SYT12: variants seen among roughly 807,000 people sequenced by gnomAD.
SYT12 encodes synaptotagmin-12.
Under a neutral mutation model 39.5 loss-of-function variants are expected in SYT12, and 27 were observed. That is an observed-to-expected ratio of 0.68 (90% CI 0.50 to 0.94). The LOEUF (loss-of-function observed/expected upper bound fraction) is 0.94. Among genes scored for constraint, SYT12 ranks in the 40% least tolerant of loss-of-function variants. The pLI, the probability that SYT12 is intolerant of heterozygous loss-of-function variation, is 0.00. For synonymous variants in SYT12, 233 were observed against 239.7 expected (o/e 0.97, Z 0.26); for missense variants, 536 against 572.6 (o/e 0.94, Z 0.65).
At chr11:67,035,713 T>A (rs1950349849) in intron 3 of SYT12, among the ~76,000 whole-genome samples, 1 of 151,948 alleles carries the variant, frequency 6.6e-6, no homozygotes, top group Non-Finnish European at 1.5e-5. Context: ...CGCCTTGGCC[T>A]CCCAAAGTAC....
At chr11:67,018,900 G>T (rs377402399), upstream of SYT12, among the ~76,000 whole-genome samples, 9 of 152,214 alleles carry the variant, frequency 5.9e-5, no homozygotes, top group Non-Finnish European at 1.3e-4. Flanking sequence ...CAGACAAGTG[G>T]CTGGTGCCTC....
At chr11:67,044,518 T>TG in intron 5 of SYT12, 75 bp from the exon 6 acceptor site, 1 of 1,551,534 alleles carries the variant, frequency 6.4e-7, no homozygotes, top group East Asian at 2.3e-5. Flanking sequence ...AGCCTTTCCC[T>TG]GGCAACCAAG....
chr11:67,039,953 C>T lies in SYT12; in HGVS notation c.371C>T (p.Pro124Leu). ...ATGGGCCGGGAGTTGGACCTGGCCC[C>T]CTATGGGACCCTCCGGAAGTCCCAG... ...ELMGRELDLA[P>L]YGTLRKSQSA... Residue 124 changes from proline to leucine, a missense_variant, in exon 4 of 8, where the codon CCC becomes CTC. Pro to Leu is a moderately conservative substitution (Grantham distance 98, BLOSUM62 -3). Transcript: ENST00000527043. 1 of 1,613,732 alleles carries T rather than the reference C, an allele frequency of 6.2e-7. No homozygotes were observed. The highest frequency in any genetic ancestry group is 8.5e-7 in the Non-Finnish European group (1 of 1,180,040).
intron 1 of SYT12, chr11:67,027,187 CA>C (rs1427365802): frequency 1.3e-5 from 2 of 152,548 alleles, no homozygotes; most frequent in Non-Finnish European, 2.9e-5. Context: ...GCTCTGCCTT[CA>C]CAGGGCACCA....
At chr11:67,017,300 T>G (rs12276046) in intron 3 of SYT12, among the ~76,000 whole-genome samples, 5,324 of 151,708 alleles carry the variant, frequency 0.035, 299 homozygotes, top group African/African-American at 0.12. Context: ...GGCAGAAAGA[T>G]CATTTGAGCC....
intron 2 of SYT12, 170 bp downstream of exon 2, chr11:67,030,348 C>A: frequency 4.6e-6 from 3 of 657,766 alleles, no homozygotes; most frequent in Non-Finnish European, 7.6e-6. Flanking sequence ...CTGGGGACAT[C>A]AAGCTTGGCC....
chr11:67,046,840 G>A (rs1854567076), intron 7 of SYT12, among the ~76,000 whole-genome samples: 1 of 152,248 alleles, frequency 6.6e-6, no homozygotes, highest in East Asian at 1.9e-4. Context: ...TCCCGTCCTC[G>A]GTTGTGAGTG....
At chr11:67,037,804 C>G (rs1372935768) in intron 3 of SYT12, among the ~76,000 whole-genome samples, 1 of 151,260 alleles carries the variant, frequency 6.6e-6, no homozygotes, top group East Asian at 1.9e-4. Flanking sequence ...ATCGCTTGAA[C>G]CCAGGAGGTG....
chr11:67,035,900 CTCCT>C (rs1307917269), intron 3 of SYT12, among the ~76,000 whole-genome samples: 7 of 111,728 alleles, frequency 6.3e-5, no homozygotes, highest in Admixed American at 9.4e-5. Context: ...CCCTCCCTCC[CTCCT>C]TCCTTCCTTC....
chr11:67,030,401 T>C (rs1159756635), intron 2 of SYT12: 2 of 524,258 alleles, frequency 3.8e-6, no homozygotes, highest in Non-Finnish European at 3.4e-6. Context: ...TGGCTCCTTC[T>C]TGTTAAAGTG....
intron 4 of SYT12, 65 bp from the exon 5 acceptor site, chr11:67,043,573 C>T: frequency 6.7e-7 from 1 of 1,493,168 alleles, no homozygotes; most frequent in Non-Finnish European, 9.3e-7. Flanking sequence ...ACTCCCTGTC[C>T]AGTGCTGTCT....
At position 67,034,809 on chromosome 11, in the gene SYT12, G is replaced by A. The variant is rs764850688; in HGVS notation, c.199G>A (p.Gly67Ser). 15 of 1,584,794 alleles carry A rather than the reference G, an allele frequency of 9.5e-6. No homozygotes were observed. Among genetic ancestry groups the A allele is most frequent in the African/African-American group, 6.9e-5 (5 of 72,898 alleles). The change falls in exon 3 of 8, where the codon GGC becomes AGC. Residue 67 changes from glycine to serine, a missense_variant. Gly to Ser is a moderately conservative substitution (Grantham distance 56). Transcript: ENST00000527043. ...CTACAGGTACCTTCAGCAGAAGTACGGCGAGAGCTGCGCAGAGGCCAGGGA... is the reference window on the plus strand; with the variant it reads ...CTACAGGTACCTTCAGCAGAAGTACAGCGAGAGCTGCGCAGAGGCCAGGGA... ...YDYRYLQQKY[G>S]ESCAEAREKR...
At chr11:67,019,066 C>T (rs959476110), upstream of SYT12, among the ~76,000 whole-genome samples, 2 of 152,216 alleles carry the variant, frequency 1.3e-5, no homozygotes, top group African/African-American at 2.4e-5. Flanking sequence ...AAAGGACTCA[C>T]AGTTCCTCAT....
At chr11:67,035,837 C>CCTTCCTTCCTTCCTTCCTTCCTTTCTTT (rs1412426648) in intron 3 of SYT12, among the ~76,000 whole-genome samples, 1 of 111,142 alleles carries the variant, frequency 9.0e-6, no homozygotes, top group African/African-American at 4.3e-5. Flanking sequence ...TTCCTTCCTT[C>CCTTCCTTCCTTCCTTCCTTCCTTTCTTT]CTTTCTTTCT....
rs760898295 is a variant in SYT12 at position 67,040,251 on chromosome 11, A to G, written c.621+48A>G. 5 of 1,529,100 alleles carry G rather than the reference A, an allele frequency of 3.3e-6. No individual in the cohort carries two copies. In the South Asian group the frequency reaches 6.3e-5, roughly 19 times the overall value. The allele number at this position is 1,529,100 out of a possible 1,614,324, so 94.7% of individuals were successfully genotyped here. ...CAGAAGGGTGCTCTGGGCTCACTAGATGCCTCCCAGGCAGGCATGGCGGTG... is the reference window on the plus strand; with the variant it reads ...CAGAAGGGTGCTCTGGGCTCACTAGGTGCCTCCCAGGCAGGCATGGCGGTG... On this transcript the variant is annotated intron_variant, in intron 4 of 7. Transcript: ENST00000527043.
chr11:67,038,989 A>AAAATAAAT lies in SYT12; in HGVS notation c.229-800_229-793dup, dbSNP rs375878477. Among the ~76,000 whole-genome samples the AAAATAAAT allele has an allele frequency of 8.2e-4, 123 of 149,774 alleles. 2 individuals are homozygous for AAAATAAAT. In the South Asian group the frequency reaches 9.3e-3, roughly 11 times the overall value. ...GCGATGCAGCGAGACTCTGTCTCAA[A>AAAATAAAT]AAATAAATAAATAAATAAATAAATA... On this transcript the variant is annotated intron_variant, in intron 3 of 7. Coordinates refer to ENST00000527043, the MANE Select transcript of SYT12 (RefSeq NM_177963.4).
chr11:67,043,710 G>GAGA lies in SYT12; in HGVS notation c.698_700dup (p.Lys233dup), dbSNP rs779865511. On this transcript the variant is annotated inframe_insertion, in exon 5 of 8. Transcript: ENST00000527043. ...CCCCCTGGATCCCACAGCCCTGGAG[G>GAGA]AGAAGAGCCTGCGGTTTTCTGTATT... 1 of 1,614,166 alleles carries GAGA rather than the reference G, an allele frequency of 6.2e-7. No homozygotes were observed. Among genetic ancestry groups the GAGA allele is most frequent in the East Asian group, 2.2e-5 (1 of 44,886 alleles).
intron 6 of SYT12, 73 bp from the exon 7 acceptor site, chr11:67,045,671 G>C (rs1246998726): frequency 6.3e-7 from 1 of 1,576,704 alleles, no homozygotes; most frequent in East Asian, 2.3e-5. Context: ...TGGAGTCGGT[G>C]GGTGGAGCCA....
intron 3 of SYT12, among the ~76,000 whole-genome samples, chr11:67,012,345 T>C (rs2136193562): frequency 6.6e-6 from 1 of 152,198 alleles, no homozygotes; most frequent in East Asian, 2.0e-4. Flanking sequence ...CACTCCAGCC[T>C]GGGTGATAGA....
Sources: gnomAD v4.1 joint callset for allele counts (sites outside exome capture counted in the v4.1 genomes callset) on GRCh38, gnomAD v4.1.1 for gene constraint, MANE v1.5 for transcripts, NCBI Gene and HGNC (gene_info 2026-07-23, HGNC 2026-07-21) for gene names.